Variants in CYP4B1 observed in about 807,000 individuals in gnomAD.
CYP4B1 encodes the protein cytochrome P450 family 4 subfamily B member 1, also known as cytochrome P450 4B1.
CYP4B1 carries 45 observed loss-of-function variants against 54.0 expected under a neutral mutation model. That is an observed-to-expected ratio of 0.83 (90% CI 0.66 to 1.07). CYP4B1 has a LOEUF of 1.07. Ranked by LOEUF, CYP4B1 falls within the 50% of genes least tolerant of loss-of-function variation. The pLI, the probability that CYP4B1 is intolerant of heterozygous loss-of-function variation, is 0.00. For missense variants in CYP4B1, 656 were observed against 655.4 expected (o/e 1.00, Z -0.01); for synonymous variants, 248 against 247.5 (o/e 1.00, Z -0.02).
At chr1:46,799,294 A>C (rs910660201) in intron 1 of CYP4B1, 33 bp downstream of exon 1, 3 of 1,543,946 alleles carry the variant, frequency 1.9e-6, no homozygotes, top group Non-Finnish European at 1.8e-6. Context: ...GGGGAGAAAG[A>C]AAACATCCTC....
In CYP4B1 at chr1:46,813,709, G is replaced by T. The variant is rs1446922059; in HGVS notation, c.620+103G>T. 1.0e-5 allele frequency: 16 copies of T among 1,525,028 alleles called. No individual in the cohort carries two copies. In the Admixed American group the frequency reaches 2.6e-4, roughly 25 times the overall value. 94.5% of individuals were successfully genotyped at this position (1,525,028 alleles called of 1,614,324 possible). The stretch of plus-strand genomic sequence containing the variant: ...CTGATCTGAGAAGAGATAGGGTCCT[G>T]CCCCAGGGAGCCTTAGCTTGCGGGG... On this transcript the variant is annotated intron_variant, in intron 5 of 11. Transcript: ENST00000371923.
In CYP4B1 at chr1:46,815,253, C is replaced by A. The variant is rs1017174444; in HGVS notation, c.1062C>A (p.Asp354Glu). ...EEVREILGDQ[D>E]FFQWDDLGKM... Reference sequence around the variant, plus strand: ...TCCGCGAGATCCTAGGGGACCAGGACTTCTTCCAGTGGTGAGTCTGAGGGT... The same window carrying A: ...TCCGCGAGATCCTAGGGGACCAGGAATTCTTCCAGTGGTGAGTCTGAGGGT... Residue 354 changes from aspartate (D) to glutamate (E), a missense_variant, in exon 8 of 12, where the codon GAC (aspartate) becomes GAA (glutamate). Physicochemically the swap from Asp to Glu is conservative, Grantham distance 45 (BLOSUM62 2). Transcript: ENST00000371923. The A allele has an allele frequency of 2.6e-6, 4 of 1,563,866 alleles. No individual in the cohort carries two copies. Among genetic ancestry groups the A allele is most frequent in the Non-Finnish European group, 3.5e-6 (4 of 1,153,660 alleles).
chr1:46,811,023 G>A, intron 2 of CYP4B1, 74 bp downstream of exon 2: 1 of 1,602,516 alleles, frequency 6.2e-7, no homozygotes, highest in Non-Finnish European at 8.5e-7. Flanking sequence ...CATGATATGG[G>A]GAGGAAGCCT....
rs1679464495 is a variant in CYP4B1 at position 46,819,270 on chromosome 1, G to C, written c.*456G>C. The C allele has an allele frequency of 6.3e-6, 1 of 158,384 alleles. No individual in the cohort carries two copies. The highest frequency in any genetic ancestry group is 6.2e-5 in the Admixed American group (1 of 16,094). 9.8% of individuals were successfully genotyped at this position (158,384 alleles called of 1,614,324 possible). A position where few individuals can be genotyped will look rare whatever the true frequency, so the allele number is the denominator to read the frequency against. ...TGTTTCTTTGTTGAACTTTGTGTGT[G>C]TGTGTTTAGAATATAACAGACATAA... On this transcript the variant is annotated 3_prime_UTR_variant, in exon 12 of 12. Transcript: ENST00000371923.
intron 1 of CYP4B1, among the ~76,000 whole-genome samples, chr1:46,800,265 CCTTCCT>C (rs1557484933): frequency 9.0e-6 from 1 of 111,708 alleles, no homozygotes. Flanking sequence ...TTCCTTCCTT[CCTTCCT>C]TCCTTCCTTC....
intron 4 of CYP4B1, among the ~76,000 whole-genome samples, 157 bp from the exon 5 acceptor site, chr1:46,813,325 T>C (rs4646486): frequency 0.12 from 18,616 of 152,114 alleles, 1,204 homozygotes; most frequent in East Asian, 0.19. Flanking sequence ...TATCCTGATA[T>C]TCCAGCAGGA....
In CYP4B1 at chr1:46,814,049, C is replaced by A. The variant is rs760285398; in HGVS notation, c.761C>A (p.Ala254Asp). 1.2e-6 allele frequency: 2 copies of A among 1,613,992 alleles called. No homozygotes were observed. The highest frequency in any genetic ancestry group is 2.7e-5 in the African/African-American group (2 of 74,946). Residue 254 changes from alanine (A) to aspartate (D), a missense_variant, in exon 6 of 12, where the codon GCC becomes GAC. Coordinates refer to ENST00000371923, the MANE Select transcript of CYP4B1 (RefSeq NM_001099772.2). ...CGCTTCCTGCGGGCCTGCCAGGTGG[C>A]CCATGACCATACAGGTGGGCCTTTC... ...GRRFLRACQV[A>D]HDHTDQVIRE...
chr1:46,802,578 T>C (rs1453566608), intron 1 of CYP4B1, among the ~76,000 whole-genome samples: 1 of 152,224 alleles, frequency 6.6e-6, no homozygotes, highest in African/African-American at 2.4e-5. Flanking sequence ...GCATTTGCTT[T>C]CTTCATCCCC....
chr1:46,816,408 A>G (rs1298508585), intron 8 of CYP4B1, among the ~76,000 whole-genome samples: 2 of 152,192 alleles, frequency 1.3e-5, no homozygotes, highest in African/African-American at 4.8e-5. Context: ...TTTTCACGTC[A>G]TTCCATCTAG....
At chr1:46,799,302 C>T (rs753690888) in intron 1 of CYP4B1, 41 bp downstream of exon 1, 1 of 1,532,046 alleles carries the variant, frequency 6.5e-7, no homozygotes, top group Admixed American at 2.0e-5. Context: ...AGAAAACATC[C>T]TCCCTCCTTT....
chr1:46,808,684 G>A (rs1678961797), intron 1 of CYP4B1, among the ~76,000 whole-genome samples: 1 of 150,932 alleles, frequency 6.6e-6, no homozygotes, highest in Non-Finnish European at 1.5e-5. Context: ...GTTTATTGCG[G>A]CATTATTCAC....
At chr1:46,813,842 T>C in intron 5 of CYP4B1, 67 bp from the exon 6 acceptor site, 1 of 1,573,700 alleles carries the variant, frequency 6.4e-7, no homozygotes, top group Non-Finnish European at 8.7e-7. Context: ...ATTCCTGGAA[T>C]GGAGTTTCTC....
At chr1:46,809,481 G>A (rs1397956644) in intron 1 of CYP4B1, among the ~76,000 whole-genome samples, 2 of 152,252 alleles carry the variant, frequency 1.3e-5, no homozygotes, top group East Asian at 3.8e-4. Flanking sequence ...GCCCAGCACA[G>A]GCTCAGGCCT....
intron 3 of CYP4B1, 110 bp from the exon 4 acceptor site, chr1:46,812,386 C>A: frequency 7.5e-7 from 1 of 1,335,406 alleles, no homozygotes; most frequent in Non-Finnish European, 1.0e-6. Context: ...CGCTTAGTGG[C>A]CCACCCTTGG....
At chr1:46,800,949 C>T (rs1326070589) in intron 1 of CYP4B1, among the ~76,000 whole-genome samples, 1 of 152,124 alleles carries the variant, frequency 6.6e-6, no homozygotes. Context: ...CAGGATTCTG[C>T]CTTAGCCGCA....
chr1:46,813,549 C>T lies in CYP4B1; in HGVS notation c.563C>T (p.Ala188Val), dbSNP rs752316206. The T allele has an allele frequency of 2.8e-5, 46 of 1,614,078 alleles. No individual in the cohort carries two copies. The highest frequency in any genetic ancestry group is 1.8e-4 in the South Asian group (16 of 91,090). ...FDIFCDVGHMALNTLMKCTFG... is the reference protein window; with the variant it reads ...FDIFCDVGHMVLNTLMKCTFG... Reference sequence around the variant, plus strand: ...ATCTTCTGCGATGTGGGTCACATGGCGCTGAACACACTCATGAAGTGCACC... The same window carrying T: ...ATCTTCTGCGATGTGGGTCACATGGTGCTGAACACACTCATGAAGTGCACC... Residue 188 changes from alanine to valine, a missense_variant, in exon 5 of 12, where the codon GCG becomes GTG. Ala to Val is a moderately conservative substitution (Grantham distance 64). Coordinates refer to ENST00000371923, the MANE Select transcript of CYP4B1 (RefSeq NM_001099772.2).
intron 1 of CYP4B1, among the ~76,000 whole-genome samples, chr1:46,809,724 G>A (rs1679020898): frequency 6.6e-6 from 1 of 152,222 alleles, no homozygotes; most frequent in Non-Finnish European, 1.5e-5. Context: ...CACTAGGAGT[G>A]TTAAGTGTAT....
At position 46,801,059 on chromosome 1, in the gene CYP4B1, C is replaced by T. The variant is rs545499484; in HGVS notation, c.180+1798C>T. 2.0e-5 allele frequency among the ~76,000 whole-genome samples: 3 copies of T among 152,342 alleles called. No homozygotes were observed. The South Asian group carries it at 6.2e-4, about 32-fold the overall frequency. On this transcript the variant is annotated intron_variant, in intron 1 of 11. Transcript: ENST00000371923. ...GGCTCCTGGAGGATGGAGATCTGAT[C>T]TGATTCATCCCTGTACCCTCAGGGT...
chr1:46,809,219 G>A (rs72637963), intron 1 of CYP4B1, among the ~76,000 whole-genome samples: 14,561 of 151,674 alleles, frequency 0.096, 827 homozygotes, highest in East Asian at 0.19. Context: ...AGCTCTCATG[G>A]GAACTAAGAG....
Sources: gnomAD v4.1 joint callset for allele counts (sites outside exome capture counted in the v4.1 genomes callset) on GRCh38, gnomAD v4.1.1 for gene constraint, MANE v1.5 for transcripts, NCBI Gene and HGNC (gene_info 2026-07-23, HGNC 2026-07-21) for gene names.